HPSE: variants seen among roughly 807,000 people sequenced by gnomAD.
HPSE encodes endo-glucoronidase.
In HPSE, 48 loss-of-function variants were observed where a neutral mutation model predicts 65.1. That is an observed-to-expected ratio of 0.74 (90% CI 0.58 to 0.94). The LOEUF (loss-of-function observed/expected upper bound fraction) is 0.94. Ranked by LOEUF, HPSE falls within the 40% of genes least tolerant of loss-of-function variation. The pLI is 0.00. For synonymous variants in HPSE, 243 were observed against 260.0 expected (o/e 0.93, Z 0.63); for missense variants, 644 against 637.5 (o/e 1.01, Z -0.11).
intron 1 of HPSE, among the ~76,000 whole-genome samples, chr4:83,329,705 C>G (rs1346521232): frequency 6.6e-6 from 1 of 151,980 alleles, no homozygotes; most frequent in African/African-American, 2.4e-5. Flanking sequence ...TAAGCTGGTT[C>G]TGTTACAACT....
Position 83,302,277 on chromosome 4 carries a change from G to A in HPSE, c.1207-9C>T, listed in dbSNP as rs1735981697. ...AGAGATAGCCAATAATCCTAGTTGT[G>A]GTGGTTGGGGAGAAAGAGACAAAAA... On this transcript the variant is annotated splice_polypyrimidine_tract_variant and intron_variant, in intron 9 of 11. Transcript: ENST00000311412. 6.4e-7 allele frequency: 1 copy of A among 1,572,710 alleles called. No homozygotes were observed. The highest frequency in any genetic ancestry group is 1.7e-5 in the Admixed American group (1 of 59,224).
intron 11 of HPSE, among the ~76,000 whole-genome samples, chr4:83,298,746 T>C (rs542193779): frequency 3.9e-5 from 6 of 152,104 alleles, no homozygotes; most frequent in Non-Finnish European, 7.4e-5. Context: ...AAGGATCACT[T>C]GAGCCCAGGT....
intron 1 of HPSE, among the ~76,000 whole-genome samples, chr4:83,327,403 C>T (rs560240360): frequency 9.8e-4 from 149 of 152,214 alleles, no homozygotes; most frequent in African/African-American, 3.3e-3. Context: ...ATAATATTGA[C>T]GCCCTCTGAC....
chr4:83,318,310 TA>T (rs1481189909), intron 3 of HPSE, among the ~76,000 whole-genome samples: 1 of 152,054 alleles, frequency 6.6e-6, no homozygotes, highest in African/African-American at 2.4e-5. Context: ...AAACTTCAGA[TA>T]AAAATATATT....
intron 5 of HPSE, 136 bp from the exon 6 acceptor site, chr4:83,310,214 A>G: frequency 1.7e-6 from 1 of 604,002 alleles, no homozygotes; most frequent in Non-Finnish European, 2.9e-6. Context: ...TAATTTTGAT[A>G]GCAAATTTTA....
At chr4:83,303,799 G>A (rs1411135179) in intron 9 of HPSE, among the ~76,000 whole-genome samples, 2 of 152,162 alleles carry the variant, frequency 1.3e-5, no homozygotes, top group Non-Finnish European at 2.9e-5. Flanking sequence ...AAAGTGTTGG[G>A]ATTACAGGTG....
intron 3 of HPSE, among the ~76,000 whole-genome samples, chr4:83,318,542 G>T (rs566769230): frequency 2.8e-4 from 43 of 152,144 alleles, no homozygotes; most frequent in African/African-American, 9.9e-4. Flanking sequence ...TCAATAATAT[G>T]ATCGGGGGTA....
At chr4:83,314,707 T>A (rs879560538) in intron 3 of HPSE, among the ~76,000 whole-genome samples, 8 of 152,204 alleles carry the variant, frequency 5.3e-5, no homozygotes, top group Non-Finnish European at 7.3e-5. Context: ...TAGTCGTTTG[T>A]TAAAGAGTAA....
intron 8 of HPSE, 108 bp downstream of exon 8, chr4:83,308,737 A>T (rs1376493353): frequency 1.6e-5 from 13 of 803,642 alleles, no homozygotes; most frequent in Admixed American, 7.0e-5. Context: ...GGGCTCAGCC[A>T]CTGAAATGGT....
intron 9 of HPSE, among the ~76,000 whole-genome samples, chr4:83,305,891 A>C (rs1736130186): frequency 6.6e-6 from 1 of 152,228 alleles, no homozygotes; most frequent in Admixed American, 6.5e-5. Context: ...TTACTTTGTA[A>C]AACATTTGAA....
At chr4:83,302,104 A>T in intron 10 of HPSE, 46 bp downstream of exon 10, 2 of 1,266,664 alleles carry the variant, frequency 1.6e-6, no homozygotes, top group South Asian at 1.2e-5. Flanking sequence ...TTACAGGCTT[A>T]CCCACTAAAA....
chr4:83,311,274 C>A (rs2126188318), intron 4 of HPSE, among the ~76,000 whole-genome samples: 1 of 152,224 alleles, frequency 6.6e-6, no homozygotes, highest in Non-Finnish European at 1.5e-5. Context: ...AACCGCACTC[C>A]AGCCTGAGTG....
At chr4:83,296,720 G>T (rs529459141) in intron 11 of HPSE, among the ~76,000 whole-genome samples, 3 of 151,368 alleles carry the variant, frequency 2.0e-5, no homozygotes, top group African/African-American at 7.3e-5. Flanking sequence ...ATTAGTTACT[G>T]TCAGAGTTAT....
intron 11 of HPSE, among the ~76,000 whole-genome samples, chr4:83,298,657 G>A (rs573619713): frequency 1.3e-5 from 2 of 151,850 alleles, no homozygotes; most frequent in Non-Finnish European, 2.9e-5. Context: ...ATGAGACATC[G>A]TCTCTACAAA....
intron 3 of HPSE, among the ~76,000 whole-genome samples, chr4:83,316,290 G>C (rs1210841641): frequency 6.6e-6 from 1 of 150,750 alleles, no homozygotes; most frequent in East Asian, 1.9e-4. Context: ...GCCTCTCAAA[G>C]TGCTGGGATT....
intron 1 of HPSE, among the ~76,000 whole-genome samples, chr4:83,333,526 CTGG>C (rs1737480810): frequency 6.6e-6 from 1 of 152,174 alleles, no homozygotes; most frequent in African/African-American, 2.4e-5. Context: ...TCTATCTGGG[CTGG>C]TCAAGATGTG....
intron 3 of HPSE, among the ~76,000 whole-genome samples, chr4:83,314,543 G>A (rs537819791): frequency 6.6e-6 from 1 of 152,066 alleles, no homozygotes; most frequent in African/African-American, 2.4e-5. Context: ...CGATATTAAG[G>A]TGCCATAAGT....
chr4:83,322,179 C>A, intron 2 of HPSE, 40 bp downstream of exon 2: 2 of 1,556,966 alleles, frequency 1.3e-6, no homozygotes, highest in Non-Finnish European at 1.8e-6. Context: ...GACGGACTGA[C>A]GTTAATTAAA....
intron 10 of HPSE, among the ~76,000 whole-genome samples, chr4:83,301,370 T>A (rs1735942559): frequency 6.6e-6 from 1 of 152,142 alleles, no homozygotes; most frequent in African/African-American, 2.4e-5. Context: ...CACACTGAGA[T>A]CCTCACAGCT....
Sources: allele counts gnomAD v4.1 joint callset (sites outside exome capture counted in the v4.1 genomes callset), GRCh38; gene constraint gnomAD v4.1.1; transcripts MANE v1.5; gene names NCBI Gene and HGNC (gene_info 2026-07-23, HGNC 2026-07-21).